RECQL5: variants seen among roughly 807,000 people sequenced by gnomAD.
RECQL5 encodes RecQ like helicase 5, also known as ATP-dependent DNA helicase Q5.
In RECQL5, 88 loss-of-function variants were observed where a neutral mutation model predicts 103.4. That is an observed-to-expected ratio of 0.85 (90% CI 0.72 to 1.02). RECQL5 has a LOEUF of 1.02. Ranked by LOEUF, RECQL5 falls within the 50% of genes least tolerant of loss-of-function variation. The pLI, the probability that RECQL5 is intolerant of heterozygous loss-of-function variation, is 0.00. For missense variants in RECQL5, 1,232 were observed against 1,284.3 expected (o/e 0.96, Z 0.62); for synonymous variants, 552 against 507.9 (o/e 1.09, Z -1.17).
At position 75,629,270 on chromosome 17, in the gene RECQL5, C is replaced by G; in HGVS notation, c.2153G>C (p.Gly718Ala). The change falls in exon 16 of 20, where the codon GGA (glycine) becomes GCA (alanine). Residue 718 changes from glycine (G) to alanine (A), a missense_variant. Transcript: ENST00000317905. ...PLPGPRGEVP[G>A]GSAHYGGPSP... The stretch of plus-strand genomic sequence containing the variant: ...GGGCCCCCCATAGTGAGCGCTGCCT[C>G]CAGGGACCTCCCCTCTGGGCCCAGG... 1 of 1,605,224 alleles carries G rather than the reference C, an allele frequency of 6.2e-7. No homozygotes were observed. Among genetic ancestry groups the G allele is most frequent in the African/African-American group, 1.3e-5 (1 of 74,870 alleles).
intron 13 of RECQL5, 28 bp downstream of exon 13, chr17:75,630,591 T>C (rs1177618149): frequency 6.2e-7 from 1 of 1,611,232 alleles, no homozygotes; most frequent in Admixed American, 1.7e-5. Context: ...CTTGGAGTGC[T>C]CCTCAGCCCA....
At chr17:75,634,003 C>G in intron 8 of RECQL5, 1 of 985,530 alleles carries the variant, frequency 1.0e-6, no homozygotes, top group South Asian at 4.7e-5. Context: ...GGCTCCCCCT[C>G]GCGACGGTAA....
intron 6 of RECQL5, among the ~76,000 whole-genome samples, chr17:75,658,934 A>G (rs1412288968): frequency 6.6e-6 from 1 of 152,168 alleles, no homozygotes; most frequent in Non-Finnish European, 1.5e-5. Context: ...CAGAAAGGTA[A>G]ATTTGTACAA....
intron 3 of RECQL5, among the ~76,000 whole-genome samples, chr17:75,664,432 G>A (rs1332623602): frequency 1.3e-5 from 2 of 152,192 alleles, no homozygotes; most frequent in African/African-American, 2.4e-5. Flanking sequence ...GTGTATACAT[G>A]AGACTGAGTG....
At chr17:75,652,794 C>T (rs1299197480) in intron 7 of RECQL5, among the ~76,000 whole-genome samples, 1 of 152,220 alleles carries the variant, frequency 6.6e-6, no homozygotes, top group Non-Finnish European at 1.5e-5. Flanking sequence ...TCCCCCACCC[C>T]ACTTCCCTGG....
At chr17:75,665,290 C>T in intron 2 of RECQL5, 118 bp from the exon 3 acceptor site, 1 of 899,312 alleles carries the variant, frequency 1.1e-6, no homozygotes, top group Non-Finnish European at 1.7e-6. Context: ...ATGGGAGGGT[C>T]TCGATGTAAT....
At chr17:75,649,353 A>G (rs1479809474) in intron 8 of RECQL5, 4 of 152,312 alleles carry the variant, frequency 2.6e-5, no homozygotes, top group Non-Finnish European at 5.9e-5. Flanking sequence ...AGCTACAGAT[A>G]GAGAAGAGAG....
intron 8 of RECQL5, chr17:75,635,904 C>G: frequency 4.1e-6 from 4 of 979,860 alleles, no homozygotes; most frequent in Non-Finnish European, 4.8e-6. Flanking sequence ...AGGGAAGCTT[C>G]GGGACCAAGT....
At chr17:75,650,985 C>G (rs568639662) in intron 8 of RECQL5, 12 of 1,499,538 alleles carry the variant, frequency 8.0e-6, no homozygotes, top group Non-Finnish European at 1.1e-5. Flanking sequence ...TGAGCAAATC[C>G]CCACACTGCG....
At chr17:75,651,678 A>T (rs2059557295) in intron 7 of RECQL5, among the ~76,000 whole-genome samples, 1 of 152,210 alleles carries the variant, frequency 6.6e-6, no homozygotes, top group South Asian at 2.1e-4. Context: ...CCCAAACCTG[A>T]CTATGTATCA....
chr17:75,665,929 T>C (rs1044408934), intron 2 of RECQL5, among the ~76,000 whole-genome samples: 2 of 152,212 alleles, frequency 1.3e-5, no homozygotes, highest in Non-Finnish European at 2.9e-5. Flanking sequence ...TTTCCTTCTC[T>C]ATCTGGGACC....
At chr17:75,663,453 G>A (rs551607598) in intron 3 of RECQL5, among the ~76,000 whole-genome samples, 35 of 151,908 alleles carry the variant, frequency 2.3e-4, no homozygotes, top group Non-Finnish European at 4.4e-4. Flanking sequence ...AGTTTTGACC[G>A]CAACCCATCA....
intron 8 of RECQL5, chr17:75,633,483 G>A (rs112636100): frequency 1.6e-6 from 2 of 1,289,076 alleles, no homozygotes; most frequent in African/African-American, 3.0e-5. Context: ...GAGGCGCCTT[G>A]CCGGGCGCGC....
At chr17:75,657,089 C>T (rs917796912) in intron 7 of RECQL5, among the ~76,000 whole-genome samples, 1 of 152,110 alleles carries the variant, frequency 6.6e-6, no homozygotes, top group African/African-American at 2.4e-5. Flanking sequence ...TACTTATAGG[C>T]TGGACACGGT....
intron 7 of RECQL5, among the ~76,000 whole-genome samples, chr17:75,654,923 G>A (rs1273036124): frequency 2.0e-5 from 3 of 152,144 alleles, no homozygotes; most frequent in South Asian, 2.1e-4. Flanking sequence ...CTCTTGCGTA[G>A]CTGGAACTAC....
In RECQL5 at chr17:75,628,988, C is replaced by A. The variant is rs1407319208; in HGVS notation, c.2435G>T (p.Gly812Val). The A allele has an allele frequency of 9.6e-6, 15 of 1,563,354 alleles. No individual in the cohort carries two copies. Among genetic ancestry groups the A allele is most frequent in the Non-Finnish European group, 1.2e-5 (14 of 1,157,690 alleles). Reference sequence around the variant, plus strand: ...CTGGGGAGGGGCAGGCGAATGTCCCCCGGCTCCATCTTCCTCCCCTGTGTA... The same window carrying A: ...CTGGGGAGGGGCAGGCGAATGTCCCACGGCTCCATCTTCCTCCCCTGTGTA... ...EKYTGEEDGA[G>V]GHSPAPPQTE... The change falls in exon 16 of 20, where the codon GGG becomes GTG. Residue 812 changes from glycine (G) to valine (V), a missense_variant. Transcript: ENST00000317905.
intron 8 of RECQL5, among the ~76,000 whole-genome samples, chr17:75,644,287 A>G (rs79862468): frequency 2.0e-5 from 3 of 152,162 alleles, no homozygotes; most frequent in Non-Finnish European, 2.9e-5. Context: ...CCTGAGCGAC[A>G]GAGTGAGATT....
chr17:75,660,800 A>G (rs1044380213), intron 6 of RECQL5, among the ~76,000 whole-genome samples, 155 bp downstream of exon 6: 4 of 152,244 alleles, frequency 2.6e-5, no homozygotes, highest in African/African-American at 4.8e-5. Flanking sequence ...AGGAGCTGTC[A>G]GCATTCAGGC....
In RECQL5 at chr17:75,636,927, C is replaced by T. The variant is rs2059333838; in HGVS notation, c.1230-5259G>A. On this transcript the variant is annotated intron_variant, in intron 8 of 19. Coordinates refer to ENST00000317905, the MANE Select transcript of RECQL5 (RefSeq NM_004259.7). This position sits in a 1 kb window ranked among gnomAD's most constrained non-coding sequence, Gnocchi z 5.4. ...CTGGCTGGCAAATTCAGCTTCCAGT[C>T]AGCCCCCTAGGGAAGCCCTGGGCGC... 6.6e-6 allele frequency: 1 copy of T among 152,248 alleles called. No homozygotes were observed. Among genetic ancestry groups the T allele is most frequent in the Non-Finnish European group, 1.5e-5 (1 of 68,084 alleles). 9.4% of individuals were successfully genotyped at this position (152,248 alleles called of 1,614,324 possible). A position where few individuals can be genotyped will look rare whatever the true frequency, so the allele number is the denominator to read the frequency against.
Sources: gnomAD v4.1 joint callset for allele counts (sites outside exome capture counted in the v4.1 genomes callset) on GRCh38, gnomAD v4.1.1 for gene constraint, Gnocchi (gnomAD v3.1) non-coding constraint, MANE v1.5 for transcripts, NCBI Gene and HGNC (gene_info 2026-07-23, HGNC 2026-07-21) for gene names.